Variants in PTGIR observed in about 807,000 individuals in gnomAD.
PTGIR encodes prostacyclin receptor.
In PTGIR, 16 loss-of-function variants were observed where a neutral mutation model predicts 17.6. The observed-to-expected ratio is 0.91, with a 90% CI of 0.61 to 1.38. The LOEUF is 1.38. Among genes scored for constraint, PTGIR ranks in the 40% most tolerant of loss-of-function variants. The pLI is 0.00. For missense variants in PTGIR, 532 were observed against 548.6 expected (o/e 0.97, Z 0.30); for synonymous variants, 274 against 255.4 (o/e 1.07, Z -0.69).
At position 46,621,214 on chromosome 19, in the gene PTGIR, T is replaced by C. The variant is rs1429058713; in HGVS notation, c.*66A>G. The C allele has an allele frequency of 1.0e-5, 15 of 1,469,546 alleles. No homozygotes were observed. In the East Asian group the frequency reaches 3.3e-4, roughly 32 times the overall value. The allele number at this position is 1,469,546 out of a possible 1,614,324, so 91.0% of individuals were successfully genotyped here. The stretch of plus-strand genomic sequence containing the variant: ...TTCCAGCATCCGCAGCCATCAGCCA[T>C]GTCCCTGATTTTCTGGCTCCTGTCG... On this transcript the variant is annotated 3_prime_UTR_variant, in exon 3 of 3. Transcript: ENST00000291294. This position sits in a 1 kb window ranked among gnomAD's most constrained non-coding sequence, Gnocchi z 4.8.
At chr19:46,618,553 C>A (rs939520152), downstream of PTGIR, among the ~76,000 whole-genome samples, 3 of 152,246 alleles carry the variant, frequency 2.0e-5, no homozygotes, top group African/African-American at 7.2e-5. Flanking sequence ...CCCGCCTCAG[C>A]CTCCCAAAAT....
At position 46,621,235 on chromosome 19, in the gene PTGIR, T is replaced by C; in HGVS notation, c.*45A>G. On this transcript the variant is annotated 3_prime_UTR_variant, in exon 3 of 3. Transcript: ENST00000291294. The surrounding 1 kb of genome is among the most constrained non-coding windows in gnomAD (Gnocchi z 4.8). ...GCCATGTCCCTGATTTTCTGGCTCC[T>C]GTCGCCCGAAGACAGGGCAGAGATC... 1 of 1,469,014 alleles carries C rather than the reference T, an allele frequency of 6.8e-7. No homozygotes were observed. The highest frequency in any genetic ancestry group is 9.0e-7 in the Non-Finnish European group (1 of 1,107,066). 91.0% of individuals were successfully genotyped at this position (1,469,014 alleles called of 1,614,324 possible). A position where few individuals can be genotyped will look rare whatever the true frequency, so the allele number is the denominator to read the frequency against.
At chr19:46,612,452 C>T in the PTGIR span, among the ~76,000 whole-genome samples, 3 of 152,164 alleles carry the variant, frequency 2.0e-5, no homozygotes, top group South Asian at 4.1e-4. Flanking sequence ...ATGAGCTCAT[C>T]GGAGCCTTAA....
rs1351718792 is a variant in PTGIR at position 46,622,246 on chromosome 19, C to T, written c.769-574G>A. On this transcript the variant is annotated intron_variant, in intron 2 of 2. Transcript: ENST00000291294. Reference sequence around the variant, plus strand: ...GCAGGACGGGGTCCCCGCAGGAAACCGAGGTGCAGAGGCAAGGGTGGGGCC... The same window carrying T: ...GCAGGACGGGGTCCCCGCAGGAAACTGAGGTGCAGAGGCAAGGGTGGGGCC... The T allele has an allele frequency of 2.7e-5, 27 of 985,208 alleles. No individual in the cohort carries two copies. The South Asian group carries it at 1.0e-3, about 38-fold the overall frequency. 61.0% of individuals were successfully genotyped at this position (985,208 alleles called of 1,614,324 possible). A position where few individuals can be genotyped will look rare whatever the true frequency, so the allele number is the denominator to read the frequency against.
At chr19:46,617,364 G>A (rs1048901945), downstream of PTGIR, among the ~76,000 whole-genome samples, 4 of 152,190 alleles carry the variant, frequency 2.6e-5, no homozygotes, top group African/African-American at 9.7e-5. Context: ...AGGGGCAAAG[G>A]GTGGATGGGG....
Position 46,620,840 on chromosome 19 carries a change from C to T in PTGIR, c.*440G>A, listed in dbSNP as rs1972049292. On this transcript the variant is annotated 3_prime_UTR_variant, in exon 3 of 3. Coordinates refer to ENST00000291294, the MANE Select transcript of PTGIR (RefSeq NM_000960.4). ...TTTGTGGAGCAGAAAGGGGCTGGCT[C>T]TTGGAGTGGCTTGGTAGAGGGGGAG... The T allele has an allele frequency of 2.0e-6, 2 of 988,540 alleles. No individual in the cohort carries two copies. Among genetic ancestry groups the T allele is most frequent in the African/African-American group, 1.7e-5 (1 of 57,314 alleles). The allele number at this position is 988,540 out of a possible 1,614,324, so 61.2% of individuals were successfully genotyped here. A position where few individuals can be genotyped will look rare whatever the true frequency, so the allele number is the denominator to read the frequency against.
Position 46,623,701 on chromosome 19 carries a change from G to A in PTGIR, c.525C>T (p.Arg175=), listed in dbSNP as rs772194966. The change falls in exon 2 of 3, where the codon CGC becomes CGT. Residue 175 remains arginine (R), a synonymous_variant. Transcript: ENST00000291294. ...CPGSWCFLRM[R]WAQPGGAAFS... is the part of the protein sequence containing the mutation. ...AGGCGGCGCCGCCCGGCTGGGCCCA[G>A]CGCATGCGGAGGAAGCACCAGCTGC... The A allele has an allele frequency of 1.3e-5, 21 of 1,569,848 alleles. No homozygotes were observed. The African/African-American group carries it at 2.3e-4, about 17-fold the overall frequency.
the PTGIR span, among the ~76,000 whole-genome samples, chr19:46,614,749 G>A: frequency 2.0e-5 from 3 of 152,098 alleles, no homozygotes; most frequent in East Asian, 1.9e-4. Flanking sequence ...AGCTGGGAGC[G>A]GTGGCTCACG....
the PTGIR span, among the ~76,000 whole-genome samples, chr19:46,611,433 A>T: frequency 6.6e-6 from 1 of 152,190 alleles, no homozygotes; most frequent in Non-Finnish European, 1.5e-5. Flanking sequence ...AGTGGTGAGA[A>T]AGGCATGGTC....
downstream of PTGIR, among the ~76,000 whole-genome samples, chr19:46,617,205 G>C (rs1971975184): frequency 6.6e-6 from 1 of 152,198 alleles, no homozygotes; most frequent in Non-Finnish European, 1.5e-5. Flanking sequence ...GAGCCTCCAG[G>C]TGGCGCCTGA....
At chr19:46,619,539 A>G (rs199961662), downstream of PTGIR, among the ~76,000 whole-genome samples, 184 of 65,536 alleles carry the variant, frequency 2.8e-3, 2 homozygotes, top group South Asian at 4.7e-3. Flanking sequence ...GAAAGAAAGA[A>G]AGAAAGAAAG....
chr19:46,615,959 G>A (rs1478292562), downstream of PTGIR, among the ~76,000 whole-genome samples: 2 of 151,728 alleles, frequency 1.3e-5, no homozygotes, highest in East Asian at 1.9e-4. Flanking sequence ...AGACCACCAC[G>A]CCCAGCTAAT....
chr19:46,622,529 G>GGT, intron 2 of PTGIR: 1 of 392,802 alleles, frequency 2.5e-6, no homozygotes, highest in Non-Finnish European at 3.5e-6. Context: ...CTCAATGAGT[G>GGT]GTGGTCTTGT....
downstream of PTGIR, among the ~76,000 whole-genome samples, chr19:46,617,616 C>T (rs1050362079): frequency 6.6e-6 from 1 of 152,180 alleles, no homozygotes; most frequent in African/African-American, 2.4e-5. Flanking sequence ...CTGCCTGGTA[C>T]ACAGTGAGCC....
In PTGIR at chr19:46,624,026, A is replaced by G. The variant is rs1397542892; in HGVS notation, c.200T>C (p.Leu67Pro). The change falls in exon 2 of 3, where the codon CTG becomes CCG. Residue 67 changes from leucine (L) to proline (P), a missense_variant. Leu to Pro is a moderately conservative substitution (Grantham distance 98, BLOSUM62 -3). Coordinates refer to ENST00000291294, the MANE Select transcript of PTGIR (RefSeq NM_000960.4). ...AATDLLGTSF[L>P]SPAVFVAYAR... ...ATAGGCCACGAACACGGCCGGGCTC[A>G]GGAAGCTGGTGCCCAGCAGGTCGGT... 2.7e-5 allele frequency: 41 copies of G among 1,541,228 alleles called. No homozygotes were observed. The highest frequency in any genetic ancestry group is 3.3e-5 in the Non-Finnish European group (38 of 1,143,580).
At chr19:46,612,075 A>C in the PTGIR span, among the ~76,000 whole-genome samples, 1 of 152,072 alleles carries the variant, frequency 6.6e-6, no homozygotes, top group Non-Finnish European at 1.5e-5. Flanking sequence ...GTGGCAGGCC[A>C]TTTTCCAGGG....
the PTGIR span, chr19:46,614,543 G>T: frequency 1.9e-6 from 1 of 524,164 alleles, no homozygotes; most frequent in Non-Finnish European, 2.4e-6. Context: ...AGAGCAGTCA[G>T]CCTCTGTGTC....
In PTGIR at chr19:46,623,858, T is replaced by C; in HGVS notation, c.368A>G (p.His123Arg). The C allele has an allele frequency of 6.2e-7, 1 of 1,607,706 alleles. No individual in the cohort carries two copies. Among genetic ancestry groups the C allele is most frequent in the South Asian group, 1.1e-5 (1 of 90,550 alleles). Reference sequence around the variant, plus strand: ...GTCCAGCTGCGCGTAGAGGTAGGGGTGGCTCAGCGCCAGGCAGCGCTCCAC... The same window carrying C: ...GTCCAGCTGCGCGTAGAGGTAGGGGCGGCTCAGCGCCAGGCAGCGCTCCAC... ...MAVERCLALS[H>R]PYLYAQLDGP... is the part of the protein sequence containing the mutation. Residue 123 changes from histidine (H) to arginine (R), a missense_variant, in exon 2 of 3, where the codon CAC becomes CGC. Coordinates refer to ENST00000291294, the MANE Select transcript of PTGIR (RefSeq NM_000960.4).
chr19:46,621,906 C>T lies in PTGIR; in HGVS notation c.769-234G>A. 2 of 1,316,722 alleles carry T rather than the reference C, an allele frequency of 1.5e-6. No homozygotes were observed. The highest frequency in any genetic ancestry group is 1.9e-6 in the Non-Finnish European group (2 of 1,035,060). 81.6% of individuals were successfully genotyped at this position (1,316,722 alleles called of 1,614,324 possible). On this transcript the variant is annotated intron_variant, in intron 2 of 2. Transcript: ENST00000291294. This position sits in a 1 kb window ranked among gnomAD's most constrained non-coding sequence, Gnocchi z 4.8. The stretch of plus-strand genomic sequence containing the variant: ...GATGGGGGCCAGGTATGTGGGTCCC[C>T]CCACCCTTGGAAGCTGGGAGGACCC...
Sources: gnomAD v4.1 joint callset for allele counts (sites outside exome capture counted in the v4.1 genomes callset) on GRCh38, gnomAD v4.1.1 for gene constraint, Gnocchi (gnomAD v3.1) non-coding constraint, MANE v1.5 for transcripts, NCBI Gene and HGNC (gene_info 2026-07-23, HGNC 2026-07-21) for gene names.